Variants in CNTNAP2 observed in about 807,000 individuals in gnomAD.
The protein encoded by CNTNAP2 is contactin-associated protein-like 2.
A neutral mutation model predicts 155.2 loss-of-function variants in CNTNAP2; 98 were observed. The observed-to-expected ratio is 0.63, with a 90% CI of 0.54 to 0.75. The LOEUF is 0.75. Ranked by LOEUF, CNTNAP2 falls within the 30% of genes least tolerant of loss-of-function variation. The probability of loss-of-function intolerance (pLI) is 0.00; values close to 1 mark genes in which losing one functional copy is unlikely to be tolerated. For synonymous variants in CNTNAP2, 651 were observed against 631.2 expected (o/e 1.03, Z -0.47); for missense variants, 1,727 against 1,688.1 (o/e 1.02, Z -0.40).
chr7:147,608,132 C>T (rs1169253861), intron 12 of CNTNAP2, among the ~76,000 whole-genome samples: 3 of 151,542 alleles, frequency 2.0e-5, no homozygotes, highest in African/African-American at 7.3e-5. Context: ...AGCTCCCATG[C>T]TCACGACTCT....
At chr7:146,812,897 C>G (rs1427262693) in intron 2 of CNTNAP2, among the ~76,000 whole-genome samples, 3 of 152,284 alleles carry the variant, frequency 2.0e-5, no homozygotes, top group African/African-American at 7.2e-5. Context: ...TCAGCACCAG[C>G]TATGGCTAAA....
chr7:147,120,340 T>C (rs998940087), intron 5 of CNTNAP2, among the ~76,000 whole-genome samples: 2 of 152,140 alleles, frequency 1.3e-5, no homozygotes, highest in Non-Finnish European at 2.9e-5. Context: ...ATCTTCCCTA[T>C]TGTATATATG....
At chr7:147,183,461 C>T (rs1210369048) in intron 8 of CNTNAP2, among the ~76,000 whole-genome samples, 1 of 152,104 alleles carries the variant, frequency 6.6e-6, no homozygotes, top group Non-Finnish European at 1.5e-5. Context: ...CTCGTCCAAC[C>T]ACTCCATGAC....
At chr7:146,688,339 T>A (rs1006462591) in intron 1 of CNTNAP2, among the ~76,000 whole-genome samples, 1 of 152,144 alleles carries the variant, frequency 6.6e-6, no homozygotes, top group African/African-American at 2.4e-5. Flanking sequence ...CATACTGTTA[T>A]GCGCATCCAT....
At chr7:148,398,133 T>C (rs1377054041) in intron 22 of CNTNAP2, among the ~76,000 whole-genome samples, 3 of 152,194 alleles carry the variant, frequency 2.0e-5, no homozygotes, top group East Asian at 3.9e-4. Context: ...AAAAGCACTT[T>C]AGGTTTGCCC....
At position 147,947,623 on chromosome 7, in the gene CNTNAP2, C is replaced by T. The variant is rs925888587; in HGVS notation, c.2256-30239C>T. Among the ~76,000 whole-genome samples, 4 of 151,788 alleles carry T rather than the reference C, an allele frequency of 2.6e-5. No homozygotes were observed. In the East Asian group the frequency reaches 7.7e-4, roughly 29 times the overall value. On this transcript the variant is annotated intron_variant, in intron 14 of 23. Transcript: ENST00000361727. The stretch of plus-strand genomic sequence containing the variant: ...TCCAGCCTGGGTGACAGAGAAAGAC[C>T]CTGTCTCTAAAAAAACAAAAAATAA...
rs537558584 is a variant in CNTNAP2 at position 148,087,960 on chromosome 7, A to G, written c.2384-30158A>G. ...TCTCAAATTATGTGATTTTATTGAA[A>G]ATGAAAACTTTTATTTTGGAATTGA... On this transcript the variant is annotated intron_variant, in intron 15 of 23. Transcript: ENST00000361727. 2.6e-5 allele frequency among the ~76,000 whole-genome samples: 4 copies of G among 152,270 alleles called. No homozygotes were observed. The South Asian group carries it at 8.3e-4, about 32-fold the overall frequency.
chr7:148,404,996 T>TG (rs1235457549), intron 22 of CNTNAP2, among the ~76,000 whole-genome samples: 2 of 152,060 alleles, frequency 1.3e-5, no homozygotes, highest in Admixed American at 6.5e-5. Flanking sequence ...GTTACAGGAC[T>TG]GGGGGGCATG....
chr7:147,655,959 A>T (rs1255164128), intron 13 of CNTNAP2, among the ~76,000 whole-genome samples: 1 of 152,216 alleles, frequency 6.6e-6, no homozygotes, highest in African/African-American at 2.4e-5. Context: ...CAATTACCTT[A>T]GCTGGAACTT....
chr7:147,792,784 T>C (rs1242907533), intron 13 of CNTNAP2, among the ~76,000 whole-genome samples: 1 of 152,176 alleles, frequency 6.6e-6, no homozygotes, highest in Non-Finnish European at 1.5e-5. Flanking sequence ...CAGACTGTTT[T>C]TCAAAGCAGC....
chr7:147,739,768 A>G (rs774202646), intron 13 of CNTNAP2, among the ~76,000 whole-genome samples: 3 of 152,162 alleles, frequency 2.0e-5, no homozygotes, highest in Non-Finnish European at 4.4e-5. Context: ...AATAAAATGT[A>G]TCATCAATAT....
chr7:148,110,541 T>C (rs1804325149), intron 15 of CNTNAP2, among the ~76,000 whole-genome samples: 1 of 151,994 alleles, frequency 6.6e-6, no homozygotes, highest in African/African-American at 2.4e-5. Context: ...CTTCTCTTCA[T>C]TCTCCACGAA....
chr7:146,238,028 T>C (rs938999326), intron 1 of CNTNAP2, among the ~76,000 whole-genome samples: 6 of 152,356 alleles, frequency 3.9e-5, no homozygotes, highest in Admixed American at 2.6e-4. Flanking sequence ...TGATTGTTTT[T>C]ATTTTCTATG....
intron 15 of CNTNAP2, among the ~76,000 whole-genome samples, chr7:148,010,672 T>A (rs542836560): frequency 1.3e-5 from 2 of 149,932 alleles, no homozygotes; most frequent in African/African-American, 2.5e-5. Context: ...TTTTTTTTTT[T>A]TTATTAGACT....
rs1170759781 is a variant in CNTNAP2 at position 147,234,331 on chromosome 7, A to AT, written c.1349-65808dup. 9.8e-3 allele frequency among the ~76,000 whole-genome samples: 783 copies of AT among 79,980 alleles called. 2 individuals carry two copies. The highest frequency in any genetic ancestry group is 0.014 in the Non-Finnish European group (600 of 44,220). 52.5% of individuals were successfully genotyped at this position (79,980 alleles called of 152,430 possible). A position where few individuals can be genotyped will look rare whatever the true frequency, so the allele number is the denominator to read the frequency against. ...GAGTTTCACCAGTTGTCCCAAGAGTATTCTTTTTTTTTTTTTTTTTTTTTG... is the reference window on the plus strand; with the variant it reads ...GAGTTTCACCAGTTGTCCCAAGAGTATTTCTTTTTTTTTTTTTTTTTTTTTG... On this transcript the variant is annotated intron_variant, in intron 8 of 23. Transcript: ENST00000361727.
At chr7:147,343,238 T>C (rs1213208966) in intron 9 of CNTNAP2, among the ~76,000 whole-genome samples, 1 of 152,146 alleles carries the variant, frequency 6.6e-6, no homozygotes, top group African/African-American at 2.4e-5. Flanking sequence ...CAGGTTACCG[T>C]GTTTTTTTCA....
In CNTNAP2 at chr7:147,639,322, A is replaced by G; in HGVS notation, c.2098+16A>G. On this transcript the variant is annotated intron_variant, in intron 13 of 23. Coordinates refer to ENST00000361727, the MANE Select transcript of CNTNAP2 (RefSeq NM_014141.6). ...AACACCCCAGGTAGGCTGAGAATGG[A>G]ATGTTACTTTTAATCACTATCTCAG... is the stretch of plus-strand genomic sequence containing the variant. 1 of 1,611,822 alleles carries G rather than the reference A, an allele frequency of 6.2e-7. No homozygotes were observed. The highest frequency in any genetic ancestry group is 1.1e-5 in the South Asian group (1 of 90,962).
chr7:148,301,364 TA>T (rs5888317), intron 21 of CNTNAP2, among the ~76,000 whole-genome samples: 6,174 of 135,672 alleles, frequency 0.046, 200 homozygotes, highest in African/African-American at 0.094. Flanking sequence ...TTTTACTGCA[TA>T]AAAAAAAAAA....
intron 8 of CNTNAP2, among the ~76,000 whole-genome samples, chr7:147,281,525 G>T (rs1055445302): frequency 6.6e-6 from 1 of 151,510 alleles, no homozygotes; most frequent in Non-Finnish European, 1.5e-5. Flanking sequence ...GGCTGATTTA[G>T]TTCATAACTA....
Sources: allele counts gnomAD v4.1 joint callset (sites outside exome capture counted in the v4.1 genomes callset), GRCh38; gene constraint gnomAD v4.1.1; transcripts MANE v1.5; gene names NCBI Gene and HGNC (gene_info 2026-07-23, HGNC 2026-07-21).